The following SORCS1 variants were observed in gnomAD, a reference collection of about 807,000 sequenced individuals.
SORCS1 encodes VPS10 domain-containing receptor SorCS1.
SORCS1 carries 60 observed loss-of-function variants against 146.1 expected under a neutral mutation model. The ratio of observed to expected loss-of-function variants is 0.41; its 90% CI spans 0.33 to 0.51. The LOEUF is 0.51. Ranked by LOEUF, SORCS1 falls within the 20% of genes least tolerant of loss-of-function variation. The probability of loss-of-function intolerance (pLI) is 0.21; values close to 1 mark genes in which losing one functional copy is unlikely to be tolerated. For missense variants in SORCS1, 1,352 were observed against 1,487.6 expected, an observed-to-expected ratio of 0.91 and a Z score of 1.50; for synonymous variants, 637 against 584.0, an observed-to-expected ratio of 1.09 and a Z score of -1.31.
At chr10:107,116,261 G>A (rs1247717536) in intron 1 of SORCS1, among the ~76,000 whole-genome samples, 2 of 151,904 alleles carry the variant, frequency 1.3e-5, no homozygotes, top group Non-Finnish European at 2.9e-5. Context: ...TCTCGCCCTG[G>A]GACTATCTCC....
At position 106,730,811 on chromosome 10, in the gene SORCS1, G is replaced by T. The variant is rs977719212; in HGVS notation, c.960-697C>A. Among the ~76,000 whole-genome samples, 3 of 152,074 alleles carry T rather than the reference G, an allele frequency of 2.0e-5. 1 individual carries two copies. Among genetic ancestry groups the T allele is most frequent in the Admixed American group, 2.0e-4 (3 of 15,274 alleles). On this transcript the variant is annotated intron_variant, in intron 5 of 25. Coordinates refer to ENST00000263054, the MANE Select transcript of SORCS1 (RefSeq NM_052918.5). The stretch of plus-strand genomic sequence containing the variant: ...GAACATAAATAATATGGGCAATCAC[G>T]CTTTATCTCTAGGATTTTTATACAA...
chr10:107,115,505 GA>G lies in SORCS1; in HGVS notation c.558+48463del, dbSNP rs773775057. 8.6e-5 allele frequency among the ~76,000 whole-genome samples: 13 copies of G among 151,932 alleles called. No individual in the cohort carries two copies. The East Asian group carries it at 1.9e-3, about 23-fold the overall frequency. On this transcript the variant is annotated intron_variant, in intron 1 of 25. Coordinates refer to ENST00000263054, the MANE Select transcript of SORCS1 (RefSeq NM_052918.5). Reference sequence around the variant, plus strand: ...GAGTGCCAAGAATATACGGTGAGGGGAAAAAATCACTTCAATAAATGATGCT... The same window carrying G: ...GAGTGCCAAGAATATACGGTGAGGGGAAAAATCACTTCAATAAATGATGCT...
At chr10:107,004,560 T>TGACC (rs1957362383) in intron 1 of SORCS1, among the ~76,000 whole-genome samples, 1 of 152,118 alleles carries the variant, frequency 6.6e-6, no homozygotes, top group South Asian at 2.1e-4. Flanking sequence ...ATGGAGGAAA[T>TGACC]GACCCCCATG....
intron 1 of SORCS1, among the ~76,000 whole-genome samples, chr10:106,974,148 G>A (rs146171954): frequency 1.3e-5 from 2 of 152,238 alleles, no homozygotes; most frequent in East Asian, 3.9e-4. Context: ...TTTTATGATT[G>A]CAATTACTGT....
chr10:106,904,663 C>A (rs1951841003), intron 2 of SORCS1, among the ~76,000 whole-genome samples: 1 of 152,170 alleles, frequency 6.6e-6, no homozygotes, highest in African/African-American at 2.4e-5. Context: ...GCTAAACTAT[C>A]TAAGTAAGAT....
chr10:106,695,872 C>T (rs1293510194), intron 9 of SORCS1, among the ~76,000 whole-genome samples: 1 of 152,174 alleles, frequency 6.6e-6, no homozygotes, highest in Non-Finnish European at 1.5e-5. Context: ...ACTTTGTCTC[C>T]AGCATTTCTC....
Position 107,060,615 on chromosome 10 carries a change from A to C in SORCS1, c.558+103354T>G, listed in dbSNP as rs773908611. Among the ~76,000 whole-genome samples, 2 of 152,142 alleles carry C rather than the reference A, an allele frequency of 1.3e-5. No individual in the cohort carries two copies. The highest frequency in any genetic ancestry group is 2.9e-5 in the Non-Finnish European group (2 of 68,032). The stretch of plus-strand genomic sequence containing the variant: ...CTCAGGAAAAGGAGCTGCCCAATCT[A>C]TATCTTTGCCAACAACCCTTTTCCC... On this transcript the variant is annotated intron_variant, in intron 1 of 25. Coordinates refer to ENST00000263054, the MANE Select transcript of SORCS1 (RefSeq NM_052918.5). This position sits in a 1 kb window ranked among gnomAD's most constrained non-coding sequence, Gnocchi z 4.1.
At chr10:106,804,908 A>C (rs571867290) in intron 3 of SORCS1, among the ~76,000 whole-genome samples, 1 of 152,328 alleles carries the variant, frequency 6.6e-6, no homozygotes, top group Admixed American at 6.5e-5. Flanking sequence ...ATTTATATTT[A>C]CTTTTGCAAA....
At chr10:107,061,108 A>G (rs1357388597) in intron 1 of SORCS1, among the ~76,000 whole-genome samples, 2 of 152,232 alleles carry the variant, frequency 1.3e-5, no homozygotes, top group African/African-American at 4.8e-5. Context: ...AAAATTAGAC[A>G]TAAAAATGAA....
intron 2 of SORCS1, among the ~76,000 whole-genome samples, chr10:106,885,309 G>A (rs1231864212): frequency 6.6e-6 from 1 of 151,810 alleles, no homozygotes; most frequent in African/African-American, 2.4e-5. Context: ...TTGAAGAAAG[G>A]GGAAAGAAAA....
chr10:106,776,142 T>G (rs1007750507), intron 4 of SORCS1, among the ~76,000 whole-genome samples: 1 of 152,220 alleles, frequency 6.6e-6, no homozygotes, highest in African/African-American at 2.4e-5. Flanking sequence ...CTTAAACTTT[T>G]CAGGGTTATG....
intron 2 of SORCS1, among the ~76,000 whole-genome samples, chr10:106,953,487 C>T (rs1279007453): frequency 1.3e-5 from 2 of 151,534 alleles, no homozygotes; most frequent in Non-Finnish European, 2.9e-5. Flanking sequence ...GTTGAATTAA[C>T]AGATCTAAAA....
At chr10:106,679,888 A>T (rs1449833957) in intron 10 of SORCS1, among the ~76,000 whole-genome samples, 154 bp from the exon 11 acceptor site, 1 of 152,150 alleles carries the variant, frequency 6.6e-6, no homozygotes, top group Non-Finnish European at 1.5e-5. Context: ...CCTACCCAAC[A>T]TCTTCCATCC....
chr10:107,179,328 G>A, the SORCS1 span, among the ~76,000 whole-genome samples: 1 of 152,120 alleles, frequency 6.6e-6, no homozygotes, highest in African/African-American at 2.4e-5. Flanking sequence ...ATGTTAATTA[G>A]CCTGATGTAA....
intron 2 of SORCS1, among the ~76,000 whole-genome samples, chr10:106,859,603 G>A (rs1180259957): frequency 6.6e-6 from 1 of 152,130 alleles, no homozygotes; most frequent in Non-Finnish European, 1.5e-5. Context: ...ATGTTGGCCA[G>A]GCTGGTCTTG....
At chr10:106,803,805 C>G (rs1947031376) in intron 3 of SORCS1, among the ~76,000 whole-genome samples, 1 of 152,168 alleles carries the variant, frequency 6.6e-6, no homozygotes, top group African/African-American at 2.4e-5. Context: ...TGCATCTTCT[C>G]CCTGGCTCCC....
At chr10:107,064,420 C>A (rs1271743161) in intron 1 of SORCS1, among the ~76,000 whole-genome samples, 1 of 152,156 alleles carries the variant, frequency 6.6e-6, no homozygotes, top group Admixed American at 6.5e-5. Context: ...AAAAGCAAAT[C>A]CACTCTAGCT....
chr10:106,980,590 C>T (rs1362158630), intron 1 of SORCS1, among the ~76,000 whole-genome samples: 3 of 152,178 alleles, frequency 2.0e-5, no homozygotes, highest in Non-Finnish European at 4.4e-5. Flanking sequence ...CATACCTTCA[C>T]CCTGGCTTAG....
At position 107,079,182 on chromosome 10, in the gene SORCS1, C is replaced by A. The variant is rs139589619; in HGVS notation, c.558+84787G>T. ...TGGAGCTTGCAGTGAGCTGAGATTG[C>A]GCCACTGCACTCCAGCCTGGGCAAC... is the stretch of plus-strand genomic sequence containing the variant. On this transcript the variant is annotated intron_variant, in intron 1 of 25. Coordinates refer to ENST00000263054, the MANE Select transcript of SORCS1 (RefSeq NM_052918.5). Among the ~76,000 whole-genome samples the A allele has an allele frequency of 8.0e-3, 1,214 of 150,858 alleles. 25 individuals carry two copies. The highest frequency in any genetic ancestry group is 0.028 in the African/African-American group (1,159 of 40,970).
Sources: allele counts gnomAD v4.1 joint callset (sites outside exome capture counted in the v4.1 genomes callset), GRCh38; gene constraint gnomAD v4.1.1; non-coding constraint Gnocchi (gnomAD v3.1); transcripts MANE v1.5; gene names NCBI Gene and HGNC (gene_info 2026-07-23, HGNC 2026-07-21).